CDH20: variants seen among roughly 807,000 people sequenced by gnomAD.
CDH20 encodes cadherin-20.
CDH20 carries 29 observed loss-of-function variants against 74.2 expected under a neutral mutation model. The observed-to-expected ratio is 0.39, with a 90% CI of 0.29 to 0.53. CDH20 has a LOEUF of 0.53. CDH20 is among the 20% of genes least tolerant of loss of function. The pLI is 0.69. For missense variants in CDH20, 988 were observed against 1,048.3 expected (o/e 0.94, Z 0.79); for synonymous variants, 469 against 405.4 (o/e 1.16, Z -1.88).
chr18:61,445,052 C>G lies in CDH20; in HGVS notation c.-152-45350C>G, dbSNP rs1909154901. ...TATCATCCATTCTGAAACTTCATTA[C>G]TATCTTCTACTAATGCCTACCACCT... On this transcript the variant is annotated intron_variant, in intron 1 of 11. Transcript: ENST00000262717. Among the ~76,000 whole-genome samples the G allele has an allele frequency of 3.9e-5, 6 of 152,200 alleles. No individual in the cohort carries two copies. The South Asian group carries it at 1.2e-3, about 32-fold the overall frequency.
intron 10 of CDH20, among the ~76,000 whole-genome samples, chr18:61,545,915 C>A (rs1243696050): frequency 6.6e-6 from 1 of 152,098 alleles, no homozygotes; most frequent in Non-Finnish European, 1.5e-5. Flanking sequence ...TTTTTTCCAA[C>A]AAGCATTCAG....
At chr18:61,373,172 A>AT (rs1039258621) in intron 1 of CDH20, among the ~76,000 whole-genome samples, 1 of 151,822 alleles carries the variant, frequency 6.6e-6, no homozygotes, top group African/African-American at 2.4e-5. Context: ...TAAATGACAG[A>AT]TGAAAAAAAA....
intron 1 of CDH20, among the ~76,000 whole-genome samples, chr18:61,410,971 C>T (rs1323470670): frequency 6.6e-6 from 1 of 152,082 alleles, no homozygotes; most frequent in Non-Finnish European, 1.5e-5. Context: ...GAGGCTGAGG[C>T]GGGCGGATCA....
chr18:61,370,265 A>G lies in CDH20; in HGVS notation c.-153+36438A>G, dbSNP rs112750983. Among the ~76,000 whole-genome samples, 1,225 of 152,152 alleles carry G rather than the reference A, an allele frequency of 8.1e-3. 17 individuals are homozygous for G. Among genetic ancestry groups the G allele is most frequent in the African/African-American group, 0.028 (1,150 of 41,516 alleles). On this transcript the variant is annotated intron_variant, in intron 1 of 11. Transcript: ENST00000262717. ...AGTTTCCCATCTTGGGGCATAGGGT[A>G]TGGTGCTTACAAAGACACTATCCTA...
intron 10 of CDH20, among the ~76,000 whole-genome samples, chr18:61,546,775 C>T (rs564354990): frequency 4.6e-5 from 7 of 152,306 alleles, no homozygotes; most frequent in African/African-American, 9.6e-5. Flanking sequence ...TATAGTAAGA[C>T]GTGACTCATC....
At chr18:61,391,222 G>A (rs1021305791) in intron 1 of CDH20, among the ~76,000 whole-genome samples, 1 of 152,064 alleles carries the variant, frequency 6.6e-6, no homozygotes, top group Non-Finnish European at 1.5e-5. Flanking sequence ...ATGAAAAGAT[G>A]GCCAGTCTCA....
rs146873332 is a variant in CDH20 at position 61,495,969 on chromosome 18, G to A, written c.247-3217G>A. Among the ~76,000 whole-genome samples the A allele has an allele frequency of 5.2e-4, 78 of 151,404 alleles. 1 individual carries two copies. The highest frequency in any genetic ancestry group is 7.8e-4 in the East Asian group (4 of 5,102). ...GCTTCCCTGGGGCTGTTCTCTACCC[G>A]CTCCCCACTCCTTTTCCCTTTCCCC... On this transcript the variant is annotated intron_variant, in intron 2 of 11. Transcript: ENST00000262717.
At chr18:61,351,336 C>A (rs79296338) in intron 1 of CDH20, among the ~76,000 whole-genome samples, 2,755 of 152,260 alleles carry the variant, frequency 0.018, 106 homozygotes, top group African/African-American at 0.064. Context: ...GGTGGGGGTT[C>A]AGCCATGGAT....
chr18:61,553,491 A>G (rs190202355), intron 11 of CDH20, among the ~76,000 whole-genome samples: 8 of 152,290 alleles, frequency 5.3e-5, no homozygotes, highest in Admixed American at 5.2e-4. Context: ...TGAATTATAT[A>G]AAAGGCCACT....
At chr18:61,336,352 TGTCA>T (rs1909760682) in intron 1 of CDH20, among the ~76,000 whole-genome samples, 1 of 152,226 alleles carries the variant, frequency 6.6e-6, no homozygotes, top group African/African-American at 2.4e-5. Context: ...TCTCTCTTCC[TGTCA>T]GTCATAGCGC....
rs559038706 is a variant in CDH20 at position 61,372,899 on chromosome 18, G to T, written c.-153+39072G>T. Among the ~76,000 whole-genome samples, 3 of 152,114 alleles carry T rather than the reference G, an allele frequency of 2.0e-5. No homozygotes were observed. The South Asian group carries it at 6.2e-4, about 32-fold the overall frequency. On this transcript the variant is annotated intron_variant, in intron 1 of 11. Coordinates refer to ENST00000262717, the MANE Select transcript of CDH20 (RefSeq NM_031891.4). The stretch of plus-strand genomic sequence containing the variant: ...TATATCATCAAGTTGTATATTCTCT[G>T]TCCATGATAATCGTATGACAAAGCC...
intron 1 of CDH20, among the ~76,000 whole-genome samples, chr18:61,399,623 C>T (rs1245773174): frequency 2.0e-5 from 3 of 152,106 alleles, no homozygotes; most frequent in Admixed American, 6.5e-5. Flanking sequence ...CACTGATCTT[C>T]ACCTCCCCCA....
intron 1 of CDH20, among the ~76,000 whole-genome samples, chr18:61,425,409 C>T (rs765533826): frequency 7.9e-5 from 12 of 152,160 alleles, no homozygotes; most frequent in Admixed American, 4.6e-4. Context: ...ATGTGAGGAA[C>T]GGCTGAGGGG....
At chr18:61,352,869 A>G (rs1910355388) in intron 1 of CDH20, among the ~76,000 whole-genome samples, 1 of 152,230 alleles carries the variant, frequency 6.6e-6, no homozygotes, top group African/African-American at 2.4e-5. Context: ...TTTCATTCAT[A>G]GAAGTTCTCA....
chr18:61,467,145 GTA>G (rs151252715), intron 1 of CDH20, among the ~76,000 whole-genome samples: 1,713 of 151,238 alleles, frequency 0.011, 31 homozygotes, highest in African/African-American at 0.038. Context: ...TCTAATGACA[GTA>G]TATATATATA....
At chr18:61,358,996 A>T (rs375357219) in intron 1 of CDH20, among the ~76,000 whole-genome samples, 3 of 152,108 alleles carry the variant, frequency 2.0e-5, no homozygotes, top group African/African-American at 7.2e-5. Context: ...TTCTGTTTTT[A>T]AAATCTAAGT....
intron 6 of CDH20, 30 bp downstream of exon 6, chr18:61,507,590 T>C (rs1469644235): frequency 6.6e-7 from 1 of 1,506,786 alleles, no homozygotes; most frequent in South Asian, 1.2e-5. Context: ...TAAACCACTT[T>C]CATGGGTGCT....
chr18:61,452,639 G>A (rs763896691), intron 1 of CDH20, among the ~76,000 whole-genome samples: 9 of 152,044 alleles, frequency 5.9e-5, no homozygotes, highest in East Asian at 1.9e-4. Flanking sequence ...TTTTTATACC[G>A]TATAATATGA....
intron 1 of CDH20, among the ~76,000 whole-genome samples, chr18:61,371,369 G>A (rs1356842320): frequency 1.3e-5 from 2 of 151,982 alleles, no homozygotes; most frequent in Admixed American, 6.6e-5. Context: ...ATTGTCCCTT[G>A]TTATAGGTGC....
Sources: gnomAD v4.1 joint callset for allele counts (sites outside exome capture counted in the v4.1 genomes callset) on GRCh38, gnomAD v4.1.1 for gene constraint, MANE v1.5 for transcripts, NCBI Gene and HGNC (gene_info 2026-07-23, HGNC 2026-07-21) for gene names.